The following AGFG2 variants were observed in gnomAD, a reference collection of about 807,000 sequenced individuals.
AGFG2 encodes arf-GAP domain and FG repeat-containing protein 2.
Under a neutral mutation model 48.0 loss-of-function variants are expected in AGFG2, and 31 were observed. That is an observed-to-expected ratio of 0.65 (90% CI 0.49 to 0.87). AGFG2 has a LOEUF of 0.87. Ranked by LOEUF, AGFG2 falls within the 40% of genes least tolerant of loss-of-function variation. AGFG2 has a pLI of 0.00. For synonymous variants in AGFG2, 229 were observed against 260.8 expected, an observed-to-expected ratio of 0.88 and a Z score of 1.18; for missense variants, 599 against 632.6, an observed-to-expected ratio of 0.95 and a Z score of 0.57.
Position 100,548,809 on chromosome 7 carries a change from T to G in AGFG2, c.222-13T>G, listed in dbSNP as rs1562790821. The stretch of plus-strand genomic sequence containing the variant: ...GCATTATACTTCTCTTTCTTCCTGT[T>G]TCTCTCCCATAGGAGAGGGCTGAAC... On this transcript the variant is annotated splice_polypyrimidine_tract_variant and intron_variant, in intron 1 of 11. Coordinates refer to ENST00000300176, the MANE Select transcript of AGFG2 (RefSeq NM_006076.5). 1 of 1,596,252 alleles carries G rather than the reference T, an allele frequency of 6.3e-7. No homozygotes were observed. The highest frequency in any genetic ancestry group is 1.7e-5 in the Admixed American group (1 of 59,924).
At position 100,565,053 on chromosome 7, in the gene AGFG2, G is replaced by A; in HGVS notation, c.*62G>A. On this transcript the variant is annotated 3_prime_UTR_variant, in exon 12 of 12. Transcript: ENST00000300176. ...GGGCCCCTCTGCTCCCTAGAGCTCTGGTGACCACTTGCCTGTGGGCATTTC... is the reference window on the plus strand; with the variant it reads ...GGGCCCCTCTGCTCCCTAGAGCTCTAGTGACCACTTGCCTGTGGGCATTTC... The A allele has an allele frequency of 6.5e-7, 1 of 1,545,244 alleles. No individual in the cohort carries two copies. Among genetic ancestry groups the A allele is most frequent in the Non-Finnish European group, 9.0e-7 (1 of 1,117,254 alleles).
intron 4 of AGFG2, 138 bp from the exon 5 acceptor site, chr7:100,553,955 A>T: frequency 9.6e-7 from 1 of 1,044,116 alleles, no homozygotes; most frequent in East Asian, 2.6e-5. Context: ...GCTCCTGCCC[A>T]GGAATCTTCT....
intron 1 of AGFG2, among the ~76,000 whole-genome samples, chr7:100,542,181 A>T (rs1220787775): frequency 6.6e-6 from 1 of 151,970 alleles, no homozygotes; most frequent in African/African-American, 2.4e-5. Context: ...ACATCTGGCT[A>T]ATGTTTGTAT....
In AGFG2 at chr7:100,562,423, G is replaced by A. The variant is rs770817936; in HGVS notation, c.998+44G>A. On this transcript the variant is annotated intron_variant, in intron 7 of 11. Coordinates refer to ENST00000300176, the MANE Select transcript of AGFG2 (RefSeq NM_006076.5). This position sits in a 1 kb window ranked among gnomAD's most constrained non-coding sequence, Gnocchi z 5.4. ...CAGTCTGCTGTAGGGCAGGAGAGCC[G>A]CCCGAAGCCTGGCCATGTTCCTCCC... 6.8e-6 allele frequency: 11 copies of A among 1,607,170 alleles called. No homozygotes were observed. The highest frequency in any genetic ancestry group is 2.2e-5 in the South Asian group (2 of 90,756).
At chr7:100,543,319 C>T (rs1800457044) in intron 1 of AGFG2, among the ~76,000 whole-genome samples, 1 of 152,154 alleles carries the variant, frequency 6.6e-6, no homozygotes, top group Non-Finnish European at 1.5e-5. Context: ...CCTGCCTTGG[C>T]CTCCCAAAGT....
At position 100,561,054 on chromosome 7, in the gene AGFG2, C is replaced by T. The variant is rs568265913; in HGVS notation, c.878-1205C>T. Among the ~76,000 whole-genome samples the T allele has an allele frequency of 5.4e-5, 8 of 147,878 alleles. No homozygotes were observed. The East Asian group carries it at 8.1e-4, about 15-fold the overall frequency. On this transcript the variant is annotated intron_variant, in intron 6 of 11. Transcript: ENST00000300176. Reference sequence around the variant, plus strand: ...CAGGTTGGTCTTGATCTCCTGACCTCGTGATCCGCCCTCCTCGGCCTCCCA... The same window carrying T: ...CAGGTTGGTCTTGATCTCCTGACCTTGTGATCCGCCCTCCTCGGCCTCCCA...
intron 1 of AGFG2, among the ~76,000 whole-genome samples, chr7:100,544,544 T>TG (rs1202050878): frequency 6.6e-6 from 1 of 152,176 alleles, no homozygotes; most frequent in Admixed American, 6.6e-5. Flanking sequence ...ACCTTGCCCC[T>TG]GTTTTAGTCC....
Position 100,562,786 on chromosome 7 carries a change from G to C in AGFG2, c.1088-77G>C. ...GGGAGAGATTGAGAGGAATGCTCAG[G>C]CATCACAGGATGAAGCACGTGAGAA... On this transcript the variant is annotated intron_variant, in intron 8 of 11. Coordinates refer to ENST00000300176, the MANE Select transcript of AGFG2 (RefSeq NM_006076.5). This position sits in a 1 kb window ranked among gnomAD's most constrained non-coding sequence, Gnocchi z 5.4. The C allele has an allele frequency of 1.3e-6, 2 of 1,596,320 alleles. No homozygotes were observed. The highest frequency in any genetic ancestry group is 1.7e-6 in the Non-Finnish European group (2 of 1,166,110).
chr7:100,550,511 G>A lies in AGFG2; in HGVS notation c.431G>A (p.Trp144Ter), dbSNP rs773749861. The A allele has an allele frequency of 1.9e-6, 3 of 1,604,434 alleles. No individual in the cohort carries two copies. Among genetic ancestry groups the A allele is most frequent in the Non-Finnish European group, 2.6e-6 (3 of 1,171,538 alleles). The change falls in exon 3 of 12, where the codon TGG becomes TAG. Residue 144 changes from tryptophan to a stop codon, truncating the protein, a stop_gained and splice_region_variant. Coordinates refer to ENST00000300176, the MANE Select transcript of AGFG2 (RefSeq NM_006076.5). LOFTEE classifies it high-confidence loss of function. ...FLQEKYEKKR[W>*]YVPPDQVKGP... ...CAGGAAAAATATGAGAAGAAGAGAT[G>A]GTAAGGAGTAGGAAAGAGGTTGCTA...
At chr7:100,560,420 C>T (rs1432627874) in intron 6 of AGFG2, among the ~76,000 whole-genome samples, 4 of 152,224 alleles carry the variant, frequency 2.6e-5, no homozygotes, top group Admixed American at 2.6e-4. Flanking sequence ...CTCAAGCGAT[C>T]TGCTTGCCTC....
Position 100,553,391 on chromosome 7 carries a change from G to T in AGFG2, c.476G>T (p.Gly159Val). 1 of 1,614,182 alleles carries T rather than the reference G, an allele frequency of 6.2e-7. No homozygotes were observed. The highest frequency in any genetic ancestry group is 8.5e-7 in the Non-Finnish European group (1 of 1,180,030). The stretch of plus-strand genomic sequence containing the variant: ...GTCAAGGGGCCCACTTATACCAAAG[G>T]CAGTGCCTCCACCCCTGTGCAGGGC... The part of the protein sequence containing the change: ...DQVKGPTYTK[G>V]SASTPVQGSI... The change falls in exon 4 of 12, where the codon GGC becomes GTC. Residue 159 changes from glycine to valine, a missense_variant. Gly to Val is a moderately radical substitution (Grantham distance 109). Transcript: ENST00000300176.
chr7:100,564,493 G>C (rs1469790073), intron 11 of AGFG2, among the ~76,000 whole-genome samples, 190 bp downstream of exon 11: 2 of 151,224 alleles, frequency 1.3e-5, no homozygotes, highest in Non-Finnish European at 2.9e-5. Context: ...TTCCAGCCCT[G>C]CCCTTGGCTC....
chr7:100,539,846 G>GTT (rs1800389577), intron 1 of AGFG2, among the ~76,000 whole-genome samples: 1 of 152,078 alleles, frequency 6.6e-6, no homozygotes, highest in Non-Finnish European at 1.5e-5. Flanking sequence ...CCCCGAGGGG[G>GTT]TCGAGGCAAA....
At chr7:100,543,310 C>T (rs1800456647) in intron 1 of AGFG2, among the ~76,000 whole-genome samples, 1 of 152,210 alleles carries the variant, frequency 6.6e-6, no homozygotes, top group African/African-American at 2.4e-5. Context: ...GGTGATCCAC[C>T]TGCCTTGGCC....
chr7:100,562,250 A>C lies in AGFG2; in HGVS notation c.878-9A>C. On this transcript the variant is annotated splice_polypyrimidine_tract_variant and intron_variant, in intron 6 of 11. Transcript: ENST00000300176. This position sits in a 1 kb window ranked among gnomAD's most constrained non-coding sequence, Gnocchi z 5.4. ...AGCTCTCCCTGTTGTATTTTCCACAACTGCCCAGGGAGCAGCCAGGGGACT... is the reference window on the plus strand; with the variant it reads ...AGCTCTCCCTGTTGTATTTTCCACACCTGCCCAGGGAGCAGCCAGGGGACT... 2.5e-6 allele frequency: 4 copies of C among 1,612,140 alleles called. No individual in the cohort carries two copies. The highest frequency in any genetic ancestry group is 3.4e-6 in the Non-Finnish European group (4 of 1,178,970).
chr7:100,551,302 C>G (rs1482888643), intron 3 of AGFG2, among the ~76,000 whole-genome samples: 5 of 151,050 alleles, frequency 3.3e-5, no homozygotes, highest in African/African-American at 1.2e-4. Flanking sequence ...ATCTCCTGAC[C>G]TCGTGATCCG....
rs1800937556 is a variant in AGFG2 at position 100,563,916 on chromosome 7, A to G, written c.1254A>G (p.Pro418=). 5.0e-6 allele frequency: 8 copies of G among 1,609,416 alleles called. No homozygotes were observed. Among genetic ancestry groups the G allele is most frequent in the Non-Finnish European group, 6.8e-6 (8 of 1,179,942 alleles). The change falls in exon 10 of 12, where the codon CCA becomes CCG. Residue 418 remains proline (P), a synonymous_variant. Transcript: ENST00000300176. ...CTGGGGCCTTTGCCAGCTCCTTCCCAGCACCGCTGTTCCCCCCGCAGACCC... is the reference window on the plus strand; with the variant it reads ...CTGGGGCCTTTGCCAGCTCCTTCCCGGCACCGCTGTTCCCCCCGCAGACCC... ...PPTGAFASSF[P]APLFPPQTPL...
At position 100,562,908 on chromosome 7, in the gene AGFG2, CTTCCACCAACCCG is replaced by C; in HGVS notation, c.1139_1151del (p.Thr380SerfsTer13). 2 of 1,614,158 alleles carry C rather than the reference CTTCCACCAACCCG, an allele frequency of 1.2e-6. No homozygotes were observed. The highest frequency in any genetic ancestry group is 1.7e-6 in the Non-Finnish European group (2 of 1,180,000). ...GCTCCCGCCGCCCAGTCCCCGCTGC[CTTCCACCAACCCG>C]TTCCAGCCCAATGGCTTGGCGCCAG... On this transcript the variant is annotated frameshift_variant, in exon 9 of 12. Transcript: ENST00000300176. LOFTEE classifies it high-confidence loss of function. This position sits in a 1 kb window ranked among gnomAD's most constrained non-coding sequence, Gnocchi z 5.4.
chr7:100,551,053 TA>T (rs1800625530), intron 3 of AGFG2, among the ~76,000 whole-genome samples: 5 of 86,392 alleles, frequency 5.8e-5, no homozygotes, highest in African/African-American at 2.0e-4. Flanking sequence ...TATATATATA[TA>T]TATATATATA....
Sources: gnomAD v4.1 joint callset for allele counts (sites outside exome capture counted in the v4.1 genomes callset) on GRCh38, gnomAD v4.1.1 for gene constraint, Gnocchi (gnomAD v3.1) non-coding constraint, MANE v1.5 for transcripts, NCBI Gene and HGNC (gene_info 2026-07-23, HGNC 2026-07-21) for gene names.